Variants in PLEKHA1 observed in about 807,000 individuals in gnomAD.
PLEKHA1 encodes the protein pleckstrin homology domain-containing family A member 1.
Under a neutral mutation model 52.0 loss-of-function variants are expected in PLEKHA1, and 34 were observed. That is an observed-to-expected ratio of 0.65 (90% CI 0.50 to 0.87). The LOEUF (loss-of-function observed/expected upper bound fraction) is 0.87. Among genes scored for constraint, PLEKHA1 ranks in the 40% least tolerant of loss-of-function variants. The probability of loss-of-function intolerance (pLI) is 0.00; values close to 1 mark genes in which losing one functional copy is unlikely to be tolerated. For synonymous variants in PLEKHA1, 163 were observed against 170.7 expected (o/e 0.95, Z 0.35); for missense variants, 497 against 504.2 (o/e 0.99, Z 0.14).
intron 3 of PLEKHA1, among the ~76,000 whole-genome samples, chr10:122,399,514 A>G (rs2096897019): frequency 6.6e-6 from 1 of 152,206 alleles, no homozygotes; most frequent in East Asian, 1.9e-4. Context: ...TAGCAGATTA[A>G]TGTCTTAATC....
chr10:122,377,629 A>C (rs1228435326), intron 1 of PLEKHA1, among the ~76,000 whole-genome samples: 2 of 152,170 alleles, frequency 1.3e-5, no homozygotes, highest in Non-Finnish European at 2.9e-5. Context: ...AAAATATGGG[A>C]TGTTTTTATG....
chr10:122,436,706 C>T (rs1268796204), downstream of PLEKHA1: 3 of 146,318 alleles, frequency 2.1e-5, no homozygotes, highest in East Asian at 4.2e-4. Context: ...ACTGAGATGG[C>T]CCATGGGTGA....
intron 8 of PLEKHA1, chr10:122,420,981 C>CAT (rs1477469994): frequency 1.3e-5 from 2 of 152,052 alleles, no homozygotes; most frequent in Admixed American, 6.6e-5. Flanking sequence ...CAAATCTTGT[C>CAT]AGAGAAACAA....
chr10:122,386,563 A>G (rs2096702150), intron 1 of PLEKHA1: 1 of 152,124 alleles, frequency 6.6e-6, no homozygotes, highest in Admixed American at 6.5e-5. Context: ...GTCTACCCCT[A>G]AGGTCCTGAA....
At chr10:122,424,464 T>G (rs187742559) in intron 9 of PLEKHA1, among the ~76,000 whole-genome samples, 1 of 152,246 alleles carries the variant, frequency 6.6e-6, no homozygotes, top group African/African-American at 2.4e-5. Flanking sequence ...AACTAAAAAT[T>G]AGGAAAGAAT....
At chr10:122,378,089 A>G (rs995416252) in intron 1 of PLEKHA1, among the ~76,000 whole-genome samples, 1 of 152,188 alleles carries the variant, frequency 6.6e-6, no homozygotes, top group Non-Finnish European at 1.5e-5. Context: ...ATTGAACTCT[A>G]GATTCTGGAT....
At chr10:122,427,233 T>A (rs963407115) in intron 11 of PLEKHA1, among the ~76,000 whole-genome samples, 1 of 152,256 alleles carries the variant, frequency 6.6e-6, no homozygotes, top group Non-Finnish European at 1.5e-5. Context: ...TTTCTGTGCA[T>A]TGTATTGTGT....
At chr10:122,398,018 C>A in intron 3 of PLEKHA1, 44 bp downstream of exon 3, 1 of 1,485,798 alleles carries the variant, frequency 6.7e-7, no homozygotes, top group Non-Finnish European at 9.4e-7. Flanking sequence ...ATTAAAATCC[C>A]TGTGAATGAG....
chr10:122,429,530 GTT>G, intron 11 of PLEKHA1, 92 bp from the exon 12 acceptor site: 8 of 886,300 alleles, frequency 9.0e-6, no homozygotes, highest in Non-Finnish European at 1.3e-5. Context: ...GTGTGTGTGT[GTT>G]TTATTTGTTT....
the PLEKHA1 span, chr10:122,438,897 A>G: frequency 6.6e-6 from 1 of 151,860 alleles, no homozygotes; most frequent in South Asian, 2.1e-4. Flanking sequence ...AAAAAATCTC[A>G]TAATGTTTTT....
At chr10:122,408,091 C>T (rs1019306454) in intron 5 of PLEKHA1, among the ~76,000 whole-genome samples, 5 of 152,172 alleles carry the variant, frequency 3.3e-5, no homozygotes, top group Admixed American at 1.3e-4. Flanking sequence ...TTCAGACATA[C>T]ATATTCTTAA....
At chr10:122,416,717 A>G (rs543452714) in intron 7 of PLEKHA1, among the ~76,000 whole-genome samples, 19 of 152,294 alleles carry the variant, frequency 1.2e-4, no homozygotes, top group African/African-American at 4.1e-4. Flanking sequence ...CATTCTTTCT[A>G]TGTGAACTAA....
intron 10 of PLEKHA1, among the ~76,000 whole-genome samples, chr10:122,426,074 C>T (rs577993338): frequency 1.2e-4 from 19 of 152,136 alleles, no homozygotes; most frequent in Non-Finnish European, 2.1e-4. Flanking sequence ...TGTATTGTGT[C>T]TGTGTTACTC....
chr10:122,427,225 T>G (rs549427863), intron 11 of PLEKHA1, among the ~76,000 whole-genome samples, 194 bp downstream of exon 11: 1 of 152,276 alleles, frequency 6.6e-6, no homozygotes, highest in African/African-American at 2.4e-5. Flanking sequence ...TACATAACTT[T>G]CTGTGCATTG....
Position 122,416,011 on chromosome 10 carries a change from C to T in PLEKHA1, c.612+9C>T. On this transcript the variant is annotated intron_variant, in intron 7 of 11. Transcript: ENST00000368990. ...TAAAACAAGGAGCAGTGGTGAGTAG[C>T]TTAACAAAATACATGAAATAATGAA... 4 of 1,590,816 alleles carry T rather than the reference C, an allele frequency of 2.5e-6. No individual in the cohort carries two copies. The highest frequency in any genetic ancestry group is 2.7e-5 in the African/African-American group (2 of 73,978).
chr10:122,429,856 C>A lies in PLEKHA1; in HGVS notation c.1133C>A (p.Pro378His), dbSNP rs1022334268. The A allele has an allele frequency of 3.7e-6, 6 of 1,613,958 alleles. No individual in the cohort carries two copies. In the African/African-American group the frequency reaches 5.3e-5, roughly 14 times the overall value. Residue 378 changes from proline to histidine, a missense_variant, in exon 12 of 12, where the codon CCT (proline) becomes CAT (histidine). Coordinates refer to ENST00000368990, the MANE Select transcript of PLEKHA1 (RefSeq NM_001001974.4). ...GTGACTGAACAAGCTCTGTTAAGAC[C>A]TCAAAGTAAAAATGGCCCTCAGGAA... Reference protein sequence around the residue: ...SKVTEQALLRPQSKNGPQEKD... With the variant: ...SKVTEQALLRHQSKNGPQEKD...
intron 1 of PLEKHA1, among the ~76,000 whole-genome samples, chr10:122,390,788 A>G (rs969030456): frequency 1.2e-4 from 18 of 150,072 alleles, no homozygotes; most frequent in Admixed American, 1.1e-3. Context: ...AATGAAGCAC[A>G]GTAAAACGAG....
At chr10:122,415,754 T>C in intron 6 of PLEKHA1, 105 bp from the exon 7 acceptor site, 1 of 1,110,320 alleles carries the variant, frequency 9.0e-7, no homozygotes, top group Non-Finnish European at 1.2e-6. Context: ...AAAATCTGTT[T>C]CTGACTAATC....
intron 1 of PLEKHA1, among the ~76,000 whole-genome samples, chr10:122,389,281 G>C (rs1213722235): frequency 6.6e-6 from 1 of 152,234 alleles, no homozygotes; most frequent in East Asian, 1.9e-4. Context: ...TGTGTTAACA[G>C]GTGTGGAAAC....
Sources: allele counts gnomAD v4.1 joint callset (sites outside exome capture counted in the v4.1 genomes callset), GRCh38; gene constraint gnomAD v4.1.1; transcripts MANE v1.5; gene names NCBI Gene and HGNC (gene_info 2026-07-23, HGNC 2026-07-21).